CCDC141: variants seen among roughly 807,000 people sequenced by gnomAD.
CCDC141 encodes coiled-coil domain containing 141, also known as coiled-coil domain-containing protein 141.
Under a neutral mutation model 181.0 loss-of-function variants are expected in CCDC141, and 168 were observed. The ratio of observed to expected loss-of-function variants is 0.93; its 90% CI spans 0.82 to 1.05. The LOEUF (loss-of-function observed/expected upper bound fraction) is 1.05, where lower values mean the gene tolerates loss of function less well. CCDC141 is among the 50% of genes least tolerant of loss of function. The pLI, the probability that CCDC141 is intolerant of heterozygous loss-of-function variation, is 0.00. For synonymous variants in CCDC141, 666 were observed against 642.3 expected (o/e 1.04, Z -0.56); for missense variants, 1,902 against 1,788.5 (o/e 1.06, Z -1.14).
At chr2:178,874,103 G>C (rs1046558197) in intron 12 of CCDC141, 1 of 152,090 alleles carries the variant, frequency 6.6e-6, no homozygotes, top group African/African-American at 2.4e-5. Context: ...GCTGGCCTCT[G>C]CCTTCTTAGC....
intron 1 of CCDC141, among the ~76,000 whole-genome samples, chr2:179,047,992 G>A (rs540893378): frequency 1.2e-4 from 19 of 152,238 alleles, no homozygotes; most frequent in Admixed American, 4.6e-4. Context: ...TCATTAAAGC[G>A]TGTAGGAAAA....
chr2:178,981,636 G>GTATATATATATATATATATATATATATA lies in CCDC141; in HGVS notation c.226-2962_226-2961insTATATATATATATATATATATATATATA, dbSNP rs1193430874. ...TTTGTAGCATTGAATGTGTGTGTGT[G>GTATATATATATATATATATATATATATA]TATATATATATATATATATATACAT... is the stretch of plus-strand genomic sequence containing the variant. On this transcript the variant is annotated intron_variant, in intron 2 of 23. Coordinates refer to ENST00000443758, the MANE Select transcript of CCDC141 (RefSeq NM_173648.4). 4.8e-3 allele frequency among the ~76,000 whole-genome samples: 301 copies of GTATATATATATATATATATATATATATA among 62,104 alleles called. 9 individuals carry two copies. Among genetic ancestry groups the GTATATATATATATATATATATATATATA allele is most frequent in the Middle Eastern group, 8.5e-3 (1 of 118 alleles). The allele number at this position is 62,104 out of a possible 152,430, so 40.7% of individuals were successfully genotyped here.
chr2:178,898,933 G>T (rs994229888), intron 8 of CCDC141, among the ~76,000 whole-genome samples: 1 of 152,088 alleles, frequency 6.6e-6, no homozygotes, highest in Non-Finnish European at 1.5e-5. Flanking sequence ...TACCTTTCCA[G>T]TTAGTGAAAA....
At chr2:178,872,942 C>T (rs953841842) in intron 12 of CCDC141, 4 of 152,062 alleles carry the variant, frequency 2.6e-5, no homozygotes, top group Non-Finnish European at 5.9e-5. Flanking sequence ...TTCTGCTTGA[C>T]TGGTTTGAAA....
At chr2:178,926,939 GC>G (rs1173451445) in intron 6 of CCDC141, among the ~76,000 whole-genome samples, 1 of 152,056 alleles carries the variant, frequency 6.6e-6, no homozygotes, top group African/African-American at 2.4e-5. Flanking sequence ...AAAGAAAAAA[GC>G]TAAGAAAAGG....
intron 5 of CCDC141, among the ~76,000 whole-genome samples, chr2:178,957,736 G>GT (rs1690222077): frequency 6.6e-6 from 1 of 152,104 alleles, no homozygotes; most frequent in Non-Finnish European, 1.5e-5. Flanking sequence ...ATTTATTTAT[G>GT]TTTTTTGAGA....
chr2:178,921,774 C>T (rs772426520), intron 6 of CCDC141, among the ~76,000 whole-genome samples: 5 of 152,158 alleles, frequency 3.3e-5, no homozygotes, highest in Non-Finnish European at 7.3e-5. Flanking sequence ...ACTGGGTTCA[C>T]CAGCTCCCAC....
chr2:178,901,106 T>C (rs1250252329), intron 8 of CCDC141, among the ~76,000 whole-genome samples: 1 of 152,030 alleles, frequency 6.6e-6, no homozygotes, highest in Non-Finnish European at 1.5e-5. Context: ...GAGTAACCCA[T>C]AAACAGAACT....
intron 2 of CCDC141, among the ~76,000 whole-genome samples, chr2:178,989,567 C>G (rs1405999790): frequency 6.7e-6 from 1 of 148,634 alleles, no homozygotes; most frequent in African/African-American, 2.5e-5. Context: ...GTACTCCAGC[C>G]TGGGTGAGAG....
intron 2 of CCDC141, among the ~76,000 whole-genome samples, chr2:179,024,474 T>C (rs1260549680): frequency 2.6e-5 from 4 of 152,180 alleles, no homozygotes; most frequent in Admixed American, 2.6e-4. Context: ...GCTCTATGGA[T>C]AGAAATATGT....
intron 5 of CCDC141, among the ~76,000 whole-genome samples, chr2:178,960,604 T>C (rs1690355340): frequency 1.3e-5 from 2 of 152,116 alleles, no homozygotes; most frequent in South Asian, 4.1e-4. Context: ...TTCTGCCCAC[T>C]CTTCACATCA....
chr2:178,999,016 C>A (rs1692409344), intron 2 of CCDC141, among the ~76,000 whole-genome samples: 2 of 152,094 alleles, frequency 1.3e-5, no homozygotes, highest in Non-Finnish European at 2.9e-5. Flanking sequence ...CTGTACAGTC[C>A]AATAGGAATG....
chr2:178,969,067 G>T (rs973673209), intron 4 of CCDC141, among the ~76,000 whole-genome samples: 12 of 115,906 alleles, frequency 1.0e-4, no homozygotes, highest in Admixed American at 1.3e-4. Flanking sequence ...CCAATAACAA[G>T]TTCTGAAATT....
intron 2 of CCDC141, among the ~76,000 whole-genome samples, chr2:178,989,864 G>C (rs1691961567): frequency 6.8e-6 from 1 of 146,936 alleles, no homozygotes; most frequent in Non-Finnish European, 1.5e-5. Flanking sequence ...AGGAGGCCGG[G>C]CACAGTGGTT....
At chr2:178,912,736 A>G (rs1447962755) in intron 7 of CCDC141, among the ~76,000 whole-genome samples, 1 of 152,180 alleles carries the variant, frequency 6.6e-6, no homozygotes, top group Non-Finnish European at 1.5e-5. Context: ...ACTCCTTAGC[A>G]TGCTATTCAA....
intron 2 of CCDC141, among the ~76,000 whole-genome samples, chr2:179,043,528 A>G (rs752388648): frequency 7.9e-5 from 12 of 152,258 alleles, no homozygotes; most frequent in Non-Finnish European, 1.3e-4. Flanking sequence ...CCCAGATGCA[A>G]ATCAATAAAT....
At chr2:178,820,784 G>A in the CCDC141 span, among the ~76,000 whole-genome samples, 1 of 152,026 alleles carries the variant, frequency 6.6e-6, no homozygotes, top group Non-Finnish European at 1.5e-5. Context: ...TATAATAAAG[G>A]CTAAGATTTT....
intron 4 of CCDC141, among the ~76,000 whole-genome samples, chr2:178,964,740 T>A (rs1420454095): frequency 6.6e-6 from 1 of 152,214 alleles, no homozygotes; most frequent in Non-Finnish European, 1.5e-5. Flanking sequence ...TCAGTTGATC[T>A]TACAAAGTGA....
chr2:178,981,655 T>TATATATATATATATAC (rs1363397709), intron 2 of CCDC141, among the ~76,000 whole-genome samples: 9 of 136,408 alleles, frequency 6.6e-5, no homozygotes, highest in African/African-American at 2.2e-4. Context: ...TATATATATA[T>TATATATATATATATAC]ATACATACAT....
Sources: gnomAD v4.1 joint callset for allele counts (sites outside exome capture counted in the v4.1 genomes callset) on GRCh38, gnomAD v4.1.1 for gene constraint, MANE v1.5 for transcripts, NCBI Gene and HGNC (gene_info 2026-07-23, HGNC 2026-07-21) for gene names.